Variants in GSK3B observed in about 807,000 individuals in gnomAD.
GSK3B encodes glycogen synthase kinase-3 beta.
GSK3B carries 15 observed loss-of-function variants against 56.4 expected under a neutral mutation model. The ratio of observed to expected loss-of-function variants is 0.27; its 90% CI spans 0.18 to 0.41. The LOEUF is 0.41. GSK3B is among the 10% of genes least tolerant of loss of function. The pLI, the probability that GSK3B is intolerant of heterozygous loss-of-function variation, is 1.00. For synonymous variants in GSK3B, 181 were observed against 188.9 expected, an observed-to-expected ratio of 0.96 and a Z score of 0.34; for missense variants, 300 against 513.4, an observed-to-expected ratio of 0.58 and a Z score of 4.02.
intron 2 of GSK3B, among the ~76,000 whole-genome samples, chr3:119,989,164 C>T (rs919945991): frequency 2.0e-5 from 3 of 152,156 alleles, no homozygotes; most frequent in Non-Finnish European, 4.4e-5. Flanking sequence ...GTGCTGACAA[C>T]TAATAACTGA....
rs1177161874 is a variant in GSK3B, at chr3:119,824,861, G to A, written c.*1927C>T. 5.5e-6 allele frequency: 1 copy of A among 181,672 alleles called. No individual in the cohort carries two copies. Among genetic ancestry groups the A allele is most frequent in the Non-Finnish European group, 1.2e-5 (1 of 85,202 alleles). The allele number at this position is 181,672 out of a possible 1,614,324, so 11.3% of individuals were successfully genotyped here. ...TCTTTCTGGGTACTGGTTCACTTCA[G>A]CAGGCAGGACAACTCTCTTGGAGAG... On this transcript the variant is annotated 3_prime_UTR_variant, in exon 11 of 11. Transcript: ENST00000264235.
chr3:119,897,388 C>T (rs946299640), intron 7 of GSK3B, among the ~76,000 whole-genome samples: 3 of 151,786 alleles, frequency 2.0e-5, no homozygotes, highest in African/African-American at 4.8e-5. Flanking sequence ...TTAATGCCTC[C>T]GTTTTTCTTA....
chr3:119,961,879 T>A (rs972786522), intron 2 of GSK3B, among the ~76,000 whole-genome samples: 1 of 152,240 alleles, frequency 6.6e-6, no homozygotes, highest in African/African-American at 2.4e-5. Context: ...CACTTTATTA[T>A]AGAATAGGCT....
chr3:119,967,929 C>T (rs2057334513), intron 2 of GSK3B, among the ~76,000 whole-genome samples: 1 of 151,894 alleles, frequency 6.6e-6, no homozygotes. Flanking sequence ...AATCTCCACT[C>T]ACTAGAACCT....
chr3:119,963,197 A>T (rs2057289112), intron 2 of GSK3B, among the ~76,000 whole-genome samples: 1 of 152,262 alleles, frequency 6.6e-6, no homozygotes, highest in Non-Finnish European at 1.5e-5. Context: ...AAATTAAGGC[A>T]GATACAAATA....
intron 3 of GSK3B, among the ~76,000 whole-genome samples, chr3:119,935,576 C>T (rs1164327267): frequency 2.6e-5 from 4 of 152,228 alleles, no homozygotes; most frequent in Admixed American, 2.6e-4. Context: ...CTCCTCTACA[C>T]ACACTGTGCT....
At chr3:119,912,420 A>G (rs2056743135) in intron 6 of GSK3B, among the ~76,000 whole-genome samples, 1 of 152,136 alleles carries the variant, frequency 6.6e-6, no homozygotes, top group African/African-American at 2.4e-5. Flanking sequence ...GATGACACAA[A>G]GACATGAAGT....
chr3:120,014,575 C>G (rs1209707081), intron 1 of GSK3B, among the ~76,000 whole-genome samples: 2 of 152,120 alleles, frequency 1.3e-5, no homozygotes, highest in African/African-American at 2.4e-5. Context: ...TCAATCAAAT[C>G]AACCCTAATG....
rs571326102 is a variant in GSK3B at position 119,987,543 on chromosome 3, T to C, written c.282+14503A>G. On this transcript the variant is annotated intron_variant, in intron 2 of 10. Transcript: ENST00000264235. ...AAAGGAAATTCTGTGTGTAAACATATTGGTAAAGTTAAAGGGGTATCATCC... is the reference window on the plus strand; with the variant it reads ...AAAGGAAATTCTGTGTGTAAACATACTGGTAAAGTTAAAGGGGTATCATCC... 2.0e-4 allele frequency among the ~76,000 whole-genome samples: 30 copies of C among 152,322 alleles called. No individual in the cohort carries two copies. In the South Asian group the frequency reaches 4.1e-3, roughly 21 times the overall value.
In GSK3B at chr3:119,824,418, G is replaced by A. The variant is rs2055467929; in HGVS notation, c.*2370C>T. On this transcript the variant is annotated 3_prime_UTR_variant, in exon 11 of 11. Coordinates refer to ENST00000264235, the MANE Select transcript of GSK3B (RefSeq NM_001146156.2). ...TTTTCTCTCTTCTTTTACCCCAGTTGTGGGGGGCAACCTGTTTCCTAAAAT... is the reference window on the plus strand; with the variant it reads ...TTTTCTCTCTTCTTTTACCCCAGTTATGGGGGGCAACCTGTTTCCTAAAAT... The A allele has an allele frequency of 4.6e-6, 1 of 216,918 alleles. No homozygotes were observed. 13.4% of individuals were successfully genotyped at this position (216,918 alleles called of 1,614,324 possible).
At chr3:120,062,460 T>C (rs1413569158) in intron 1 of GSK3B, among the ~76,000 whole-genome samples, 2 of 152,128 alleles carry the variant, frequency 1.3e-5, no homozygotes, top group African/African-American at 4.8e-5. Context: ...TCAAATTAAG[T>C]CTTAAAATTG....
At chr3:119,834,938 A>T (rs1348740297) in intron 10 of GSK3B, among the ~76,000 whole-genome samples, 1 of 152,236 alleles carries the variant, frequency 6.6e-6, no homozygotes, top group Non-Finnish European at 1.5e-5. Context: ...GATTTTAGGT[A>T]TCTATATACA....
chr3:120,081,798 C>T (rs533220950), intron 1 of GSK3B, among the ~76,000 whole-genome samples: 10 of 152,202 alleles, frequency 6.6e-5, no homozygotes, highest in East Asian at 1.9e-4. Context: ...TGATCTCCTA[C>T]GGAGAAACAA....
At chr3:119,894,705 C>A (rs996712578) in intron 7 of GSK3B, among the ~76,000 whole-genome samples, 1 of 152,062 alleles carries the variant, frequency 6.6e-6, no homozygotes, top group Non-Finnish European at 1.5e-5. Flanking sequence ...TTTTAAGTTT[C>A]TTGATGCTGT....
intron 1 of GSK3B, among the ~76,000 whole-genome samples, chr3:120,073,554 C>T (rs1341435181): frequency 6.6e-6 from 1 of 152,146 alleles, no homozygotes. Flanking sequence ...ATAAAATAAA[C>T]TGTACTTATA....
At position 120,008,559 on chromosome 3, in the gene GSK3B, T is replaced by A. The variant is rs567329236; in HGVS notation, c.89-6320A>T. Among the ~76,000 whole-genome samples, 134 of 152,122 alleles carry A rather than the reference T, an allele frequency of 8.8e-4. 1 individual carries two copies. In the Middle Eastern group the frequency reaches 0.01, roughly 12 times the overall value. On this transcript the variant is annotated intron_variant, in intron 1 of 10. Coordinates refer to ENST00000264235, the MANE Select transcript of GSK3B (RefSeq NM_001146156.2). Reference sequence around the variant, plus strand: ...GAGGCCTCAGAAATGCCACCACACATCTACCACCATCTGATCTCTGACAAA... The same window carrying A: ...GAGGCCTCAGAAATGCCACCACACAACTACCACCATCTGATCTCTGACAAA...
chr3:120,029,091 G>C (rs753708146), intron 1 of GSK3B: 5 of 780,010 alleles, frequency 6.4e-6, no homozygotes, highest in Admixed American at 2.2e-5. Context: ...CTACTATTTG[G>C]CAATATGAAT....
intron 3 of GSK3B, among the ~76,000 whole-genome samples, chr3:119,935,849 CT>C (rs1236646593): frequency 6.6e-6 from 1 of 152,068 alleles, no homozygotes; most frequent in East Asian, 1.9e-4. Context: ...GATGCAAAAA[CT>C]CTTAACAAAG....
chr3:119,884,126 G>C (rs1230990383), intron 7 of GSK3B, among the ~76,000 whole-genome samples: 1 of 152,066 alleles, frequency 6.6e-6, no homozygotes, highest in African/African-American at 2.4e-5. Flanking sequence ...GAAACAGAAG[G>C]CTGAGTTAGA....
Sources: allele counts gnomAD v4.1 joint callset (sites outside exome capture counted in the v4.1 genomes callset), GRCh38; gene constraint gnomAD v4.1.1; transcripts MANE v1.5; gene names NCBI Gene and HGNC (gene_info 2026-07-23, HGNC 2026-07-21).